The following RNF157 variants were observed in gnomAD, a reference collection of about 807,000 sequenced individuals.
RNF157 encodes the protein ring finger protein 157, also known as E3 ubiquitin ligase RNF157.
RNF157 carries 55 observed loss-of-function variants against 88.3 expected under a neutral mutation model. That is an observed-to-expected ratio of 0.62 (90% CI 0.50 to 0.78). RNF157 has a LOEUF of 0.78. RNF157 is among the 30% of genes least tolerant of loss of function. The pLI, the probability that RNF157 is intolerant of heterozygous loss-of-function variation, is 0.00. For synonymous variants in RNF157, 334 were observed against 341.2 expected, an observed-to-expected ratio of 0.98 and a Z score of 0.23; for missense variants, 788 against 860.8, an observed-to-expected ratio of 0.92 and a Z score of 1.06.
intron 1 of RNF157, among the ~76,000 whole-genome samples, chr17:76,222,324 G>A (rs919705136): frequency 1.3e-5 from 2 of 150,724 alleles, no homozygotes; most frequent in Non-Finnish European, 1.5e-5. Context: ...TCCAGCCTGG[G>A]TGACAGAGCA....
At position 76,162,604 on chromosome 17, in the gene RNF157, A is replaced by T; in HGVS notation, c.740T>A (p.Leu247His). 4 of 1,612,674 alleles carry T rather than the reference A, an allele frequency of 2.5e-6. No homozygotes were observed. Among genetic ancestry groups the T allele is most frequent in the Non-Finnish European group, 3.4e-6 (4 of 1,179,540 alleles). The change falls in exon 9 of 19, where the codon CTC becomes CAC. Residue 247 changes from leucine to histidine, a missense_variant. Physicochemically the swap from Leu to His is moderately conservative, Grantham distance 99 (BLOSUM62 -3). Transcript: ENST00000269391. ...TTCAATTCCATAGATCTCCTGAAGG[A>T]GGTAGCTGACCCCGTCTACCTGAAC... ...QKQVVDGVSY[L>H]LQEIYGIENK...
chr17:76,199,975 C>A (rs554436124), intron 2 of RNF157, among the ~76,000 whole-genome samples: 1 of 152,166 alleles, frequency 6.6e-6, no homozygotes, highest in African/African-American at 2.4e-5. Flanking sequence ...CGGTGGCTCA[C>A]GCCTGTAATC....
In RNF157 at chr17:76,146,465, G is replaced by A. The variant is rs182194473; in HGVS notation, c.1922-1112C>T. 1.0e-4 allele frequency: 99 copies of A among 985,700 alleles called. No homozygotes were observed. In the Middle Eastern group the frequency reaches 1.6e-3, roughly 16 times the overall value. The allele number at this position is 985,700 out of a possible 1,614,324, so 61.1% of individuals were successfully genotyped here. ...CCCTCCAGTGCCCTCCCTCCAGTGA[G>A]GCTAGGGCGCTCCTGCCTTGGGCCT... On this transcript the variant is annotated intron_variant, in intron 18 of 18. Transcript: ENST00000269391. This position sits in a 1 kb window ranked among gnomAD's most constrained non-coding sequence, Gnocchi z 4.2.
chr17:76,202,111 T>TTCTCTCTCTC lies in RNF157; in HGVS notation c.207+10243_207+10252dup, dbSNP rs374396479. 1.6e-3 allele frequency among the ~76,000 whole-genome samples: 218 copies of TTCTCTCTCTC among 133,948 alleles called. 2 individuals carry two copies. Among genetic ancestry groups the TTCTCTCTCTC allele is most frequent in the African/African-American group, 6.2e-3 (202 of 32,364 alleles). The allele number at this position is 133,948 out of a possible 152,430, so 87.9% of individuals were successfully genotyped here. ...AAAAGGCAAATAACCCAATCTCAGT[T>TTCTCTCTCTC]TCTCTCTCTCTCTCTCTCACACACA... On this transcript the variant is annotated intron_variant, in intron 2 of 18. Transcript: ENST00000269391.
intron 18 of RNF157, among the ~76,000 whole-genome samples, chr17:76,151,733 G>A (rs1261821059): frequency 2.6e-5 from 4 of 152,270 alleles, no homozygotes; most frequent in Admixed American, 2.6e-4. Flanking sequence ...GGAATAAGGG[G>A]CACTCTGACA....
At chr17:76,221,209 A>G (rs1368749240) in intron 1 of RNF157, among the ~76,000 whole-genome samples, 1 of 152,186 alleles carries the variant, frequency 6.6e-6, no homozygotes, top group Non-Finnish European at 1.5e-5. Flanking sequence ...TTAGAATGTA[A>G]GTCTTAATAA....
chr17:76,159,302 C>A, intron 12 of RNF157, 33 bp downstream of exon 12: 1 of 1,567,186 alleles, frequency 6.4e-7, no homozygotes, highest in Non-Finnish European at 8.8e-7. Context: ...TCAAGGATTC[C>A]GGGGGCAACA....
intron 1 of RNF157, among the ~76,000 whole-genome samples, chr17:76,224,577 C>A (rs772494025): frequency 1.3e-4 from 20 of 152,070 alleles, no homozygotes; most frequent in Non-Finnish European, 2.6e-4. Flanking sequence ...TGCTACAGTG[C>A]TGCTTTTGTT....
intron 13 of RNF157, among the ~76,000 whole-genome samples, 169 bp downstream of exon 13, chr17:76,158,224 G>T (rs2068794514): frequency 6.6e-6 from 1 of 152,202 alleles, no homozygotes; most frequent in African/African-American, 2.4e-5. Context: ...AATACAGGCT[G>T]CATACACTGT....
chr17:76,204,181 C>A (rs1424286774), intron 2 of RNF157, among the ~76,000 whole-genome samples: 3 of 152,200 alleles, frequency 2.0e-5, no homozygotes, highest in Non-Finnish European at 2.9e-5. Context: ...GACTACTCAC[C>A]ACTCTGAGCG....
chr17:76,167,593 T>C, intron 4 of RNF157, 58 bp downstream of exon 4: 1 of 1,607,916 alleles, frequency 6.2e-7, no homozygotes, highest in East Asian at 2.2e-5. Flanking sequence ...TCTGGAACTC[T>C]TCCGTGGCCT....
intron 1 of RNF157, among the ~76,000 whole-genome samples, chr17:76,213,099 T>G (rs1277462197): frequency 6.6e-6 from 1 of 152,216 alleles, no homozygotes. Context: ...GGTTCTACAA[T>G]GCACATTAAT....
At chr17:76,191,458 C>T (rs917121195) in intron 2 of RNF157, among the ~76,000 whole-genome samples, 10 of 151,998 alleles carry the variant, frequency 6.6e-5, no homozygotes, top group African/African-American at 2.4e-4. Flanking sequence ...CAAAAATTAG[C>T]TGGGCGTGGT....
At chr17:76,171,145 G>A (rs2069007097) in intron 3 of RNF157, among the ~76,000 whole-genome samples, 1 of 151,846 alleles carries the variant, frequency 6.6e-6, no homozygotes. Flanking sequence ...GCCCGCCTTG[G>A]CCTCCCAAAG....
chr17:76,166,946 G>T, intron 5 of RNF157, 63 bp downstream of exon 5: 2 of 1,128,772 alleles, frequency 1.8e-6, no homozygotes, highest in Non-Finnish European at 1.3e-6. Context: ...GTCAGACCGA[G>T]TCCTAAGTAG....
chr17:76,194,875 C>T (rs958630876), intron 2 of RNF157, among the ~76,000 whole-genome samples: 14 of 151,896 alleles, frequency 9.2e-5, no homozygotes, highest in South Asian at 2.1e-4. Flanking sequence ...ATTAGCCAGG[C>T]GTGGTGGCGG....
chr17:76,185,487 T>TTTTTTTTTTTTTTGGCTG (rs1568047329), intron 2 of RNF157, among the ~76,000 whole-genome samples: 4 of 149,980 alleles, frequency 2.7e-5, no homozygotes, highest in African/African-American at 5.0e-5. Context: ...TTTTTTTTTT[T>TTTTTTTTTTTTTTGGCTG]GAGACGGAGT....
At chr17:76,219,557 C>G (rs868251008) in intron 1 of RNF157, among the ~76,000 whole-genome samples, 1 of 152,048 alleles carries the variant, frequency 6.6e-6, no homozygotes, top group African/African-American at 2.4e-5. Context: ...AGGGACCAGA[C>G]AGAAGGTAGA....
chr17:76,196,356 G>C (rs2069477703), intron 2 of RNF157, among the ~76,000 whole-genome samples: 1 of 152,206 alleles, frequency 6.6e-6, no homozygotes, highest in Non-Finnish European at 1.5e-5. Context: ...CCTTAGGCTA[G>C]AGGTAACAAC....
Sources: allele counts gnomAD v4.1 joint callset (sites outside exome capture counted in the v4.1 genomes callset), GRCh38; gene constraint gnomAD v4.1.1; non-coding constraint Gnocchi (gnomAD v3.1); transcripts MANE v1.5; gene names NCBI Gene and HGNC (gene_info 2026-07-23, HGNC 2026-07-21).